Variants in CMIP observed in about 807,000 individuals in gnomAD.
CMIP encodes the protein c-Maf inducing protein, also known as C-Maf-inducing protein.
CMIP carries 13 observed loss-of-function variants against 97.3 expected under a neutral mutation model. That is an observed-to-expected ratio of 0.13 (90% confidence interval 0.09 to 0.21). The LOEUF (loss-of-function observed/expected upper bound fraction) is 0.21, where lower values mean the gene tolerates loss of function less well. Among genes scored for constraint, CMIP ranks in the 10% least tolerant of loss-of-function variants. CMIP has a pLI of 1.00. For synonymous variants in CMIP, 538 were observed against 436.3 expected (o/e 1.23, Z -2.91); for missense variants, 847 against 1,024.9 (o/e 0.83, Z 2.37).
chr16:81,458,719 C>T (rs550735445), intron 1 of CMIP, among the ~76,000 whole-genome samples: 11 of 152,284 alleles, frequency 7.2e-5, no homozygotes, highest in East Asian at 5.8e-4. Flanking sequence ...ATTAGGAGGG[C>T]TGGCCAGGCT....
intron 9 of CMIP, among the ~76,000 whole-genome samples, chr16:81,675,312 T>C (rs994943957): frequency 2.0e-5 from 3 of 151,864 alleles, no homozygotes; most frequent in South Asian, 2.1e-4. Context: ...CAAGCAATTC[T>C]CATGCCTCAG....
At chr16:81,511,476 G>C (rs900167755) in intron 1 of CMIP, among the ~76,000 whole-genome samples, 14 of 152,310 alleles carry the variant, frequency 9.2e-5, no homozygotes, top group Middle Eastern at 3.4e-3. Flanking sequence ...TCCATATTCT[G>C]AGTTTTGCTG....
At chr16:81,477,366 G>T (rs566417002) in intron 1 of CMIP, among the ~76,000 whole-genome samples, 242 of 152,242 alleles carry the variant, frequency 1.6e-3, no homozygotes, top group African/African-American at 5.5e-3. Context: ...TCACCATGTT[G>T]GCCAGGCTCG....
At chr16:81,651,076 C>T (rs1014651702) in intron 3 of CMIP, 1 of 152,160 alleles carries the variant, frequency 6.6e-6, no homozygotes, top group African/African-American at 2.4e-5. Flanking sequence ...AGCAAGGGAC[C>T]CTCCTCTCCC....
At chr16:81,557,677 A>G (rs769974029) in intron 1 of CMIP, among the ~76,000 whole-genome samples, 6 of 152,234 alleles carry the variant, frequency 3.9e-5, no homozygotes, top group Non-Finnish European at 8.8e-5. Flanking sequence ...CAGGAGGCCA[A>G]GGTGGGAGGA....
At chr16:81,659,546 A>G (rs2092522199) in intron 5 of CMIP, among the ~76,000 whole-genome samples, 1 of 152,168 alleles carries the variant, frequency 6.6e-6, no homozygotes, top group Non-Finnish European at 1.5e-5. Flanking sequence ...TGCAAAGGCA[A>G]AGTGGTAAGA....
chr16:81,561,607 G>T, intron 1 of CMIP, among the ~76,000 whole-genome samples: 1 of 152,306 alleles, frequency 6.6e-6, no homozygotes, highest in African/African-American at 2.4e-5. Flanking sequence ...GGGCCTCGCA[G>T]ACAATTGCCC....
chr16:81,563,427 G>T (rs976015967), intron 1 of CMIP, among the ~76,000 whole-genome samples: 14 of 152,220 alleles, frequency 9.2e-5, no homozygotes, highest in African/African-American at 3.4e-4. Context: ...GATGATAATA[G>T]CAATACTTCT....
intron 1 of CMIP, among the ~76,000 whole-genome samples, chr16:81,601,184 G>A (rs1409880393): frequency 1.3e-5 from 2 of 152,250 alleles, no homozygotes; most frequent in Non-Finnish European, 2.9e-5. Flanking sequence ...TCGGGAATAA[G>A]CTCATGGGAG....
chr16:81,680,522 A>G (rs1048770730), intron 10 of CMIP, among the ~76,000 whole-genome samples: 5 of 152,210 alleles, frequency 3.3e-5, no homozygotes, highest in Non-Finnish European at 7.4e-5. Context: ...CGGAGAGGAA[A>G]GGGTGGGGTG....
intron 1 of CMIP, among the ~76,000 whole-genome samples, chr16:81,558,445 C>A (rs1335840280): frequency 6.6e-6 from 1 of 152,216 alleles, no homozygotes; most frequent in Non-Finnish European, 1.5e-5. Flanking sequence ...TTTTGGGGAC[C>A]TGCCAGATTA....
At chr16:81,706,585 C>G (rs187748821) in intron 19 of CMIP, among the ~76,000 whole-genome samples, 5 of 152,348 alleles carry the variant, frequency 3.3e-5, no homozygotes, top group Admixed American at 2.6e-4. Flanking sequence ...GTCTGCCCCC[C>G]GTGCGACTCC....
rs556815679 is a variant in CMIP, at chr16:81,658,224, C to G, written c.681+408C>G. On this transcript the variant is annotated intron_variant, in intron 5 of 20. Coordinates refer to ENST00000537098, the MANE Select transcript of CMIP (RefSeq NM_198390.3). The stretch of plus-strand genomic sequence containing the variant: ...CCACAAATAGAACTTGGATTTAATT[C>G]CCTGTGATACATAAAGTGAGATGCT... Among the ~76,000 whole-genome samples, 4 of 152,316 alleles carry G rather than the reference C, an allele frequency of 2.6e-5. No homozygotes were observed. The South Asian group carries it at 8.3e-4, about 32-fold the overall frequency.
In CMIP at chr16:81,614,680, A is replaced by ATGTG. The variant is rs143871815; in HGVS notation, c.427-6182_427-6179dup. On this transcript the variant is annotated intron_variant, in intron 2 of 20. Transcript: ENST00000537098. The surrounding 1 kb of genome is among the most constrained non-coding windows in gnomAD (Gnocchi z 5.3). The stretch of plus-strand genomic sequence containing the variant: ...GTGTGTATGTATGTCTGTATGGTTT[A>ATGTG]TGTGTGTGTGTGTGTGTATGGTATG... 4.0e-4 allele frequency among the ~76,000 whole-genome samples: 60 copies of ATGTG among 149,734 alleles called. No individual in the cohort carries two copies. Among genetic ancestry groups the ATGTG allele is most frequent in the East Asian group, 1.4e-3 (7 of 5,050 alleles).
intron 3 of CMIP, among the ~76,000 whole-genome samples, chr16:81,632,346 C>T (rs1453723202): frequency 1.3e-5 from 2 of 152,192 alleles, no homozygotes; most frequent in African/African-American, 4.8e-5. Flanking sequence ...AGCAGCTGCA[C>T]GGGGCTTCTC....
At chr16:81,584,296 T>A (rs2091344770) in intron 1 of CMIP, among the ~76,000 whole-genome samples, 1 of 152,198 alleles carries the variant, frequency 6.6e-6, no homozygotes, top group Admixed American at 6.5e-5. Context: ...AATGTGTCCG[T>A]AACACCTAGA....
At chr16:81,642,509 G>A (rs2092317889) in intron 3 of CMIP, among the ~76,000 whole-genome samples, 1 of 152,222 alleles carries the variant, frequency 6.6e-6, no homozygotes, top group Admixed American at 6.5e-5. Flanking sequence ...CTGTCCTGTG[G>A]CAAAATTTAA....
At position 81,498,871 on chromosome 16, in the gene CMIP, A is replaced by G. The variant is rs150200723; in HGVS notation, c.300+53330A>G. Among the ~76,000 whole-genome samples the G allele has an allele frequency of 1.4e-4, 21 of 152,286 alleles. 1 individual carries two copies. Among genetic ancestry groups the G allele is most frequent in the African/African-American group, 5.1e-4 (21 of 41,550 alleles). Reference sequence around the variant, plus strand: ...TAGTTTACACCGTGCACACCTCTCCATACATACAGGTTCCCAGCTGTGCGA... The same window carrying G: ...TAGTTTACACCGTGCACACCTCTCCGTACATACAGGTTCCCAGCTGTGCGA... On this transcript the variant is annotated intron_variant, in intron 1 of 20. Coordinates refer to ENST00000537098, the MANE Select transcript of CMIP (RefSeq NM_198390.3).
intron 1 of CMIP, among the ~76,000 whole-genome samples, chr16:81,468,881 A>AGTGGGCTGGGGGCTGGT (rs1200628564): frequency 6.6e-6 from 1 of 152,112 alleles, no homozygotes; most frequent in Non-Finnish European, 1.5e-5. Flanking sequence ...AGGTGTATTG[A>AGTGGGCTGGGGGCTGGT]GTGGGCTGGG....
Sources: allele counts gnomAD v4.1 joint callset (sites outside exome capture counted in the v4.1 genomes callset), GRCh38; gene constraint gnomAD v4.1.1; non-coding constraint Gnocchi (gnomAD v3.1); transcripts MANE v1.5; gene names NCBI Gene and HGNC (gene_info 2026-07-23, HGNC 2026-07-21).